Variants in FBN1 observed in about 807,000 individuals in gnomAD.
The protein encoded by FBN1 is fibrillin-1.
FBN1 carries 29 observed loss-of-function variants against 365.1 expected under a neutral mutation model. That is an observed-to-expected ratio of 0.08 (90% CI 0.06 to 0.11). FBN1 has a LOEUF of 0.11. Ranked by LOEUF, FBN1 falls within the 10% of genes least tolerant of loss-of-function variation. The probability of loss-of-function intolerance (pLI) is 1.00; values close to 1 mark genes in which losing one functional copy is unlikely to be tolerated. For missense variants in FBN1, 2,476 were observed against 3,703.2 expected, an observed-to-expected ratio of 0.67 and a Z score of 8.60; for synonymous variants, 1,210 against 1,270.5, an observed-to-expected ratio of 0.95 and a Z score of 1.01.
intron 8 of FBN1, 117 bp from the exon 9 acceptor site, chr15:48,526,372 T>C (rs1342248549): frequency 3.6e-6 from 4 of 1,108,798 alleles, no homozygotes; most frequent in Non-Finnish European, 5.3e-6. Flanking sequence ...CAGCCATCAT[T>C]AAAAAGTAAA....
intron 6 of FBN1, among the ~76,000 whole-genome samples, chr15:48,575,843 A>ACG (rs2140679682): frequency 6.9e-6 from 1 of 145,704 alleles, no homozygotes; most frequent in South Asian, 2.2e-4. Flanking sequence ...ACACACACAC[A>ACG]CCATGGAATA....
At chr15:48,621,298 T>C (rs1469862805) in intron 2 of FBN1, among the ~76,000 whole-genome samples, 1 of 152,180 alleles carries the variant, frequency 6.6e-6, no homozygotes, top group Non-Finnish European at 1.5e-5. Flanking sequence ...TGGAAAATCC[T>C]GACAAATCCT....
intron 6 of FBN1, among the ~76,000 whole-genome samples, chr15:48,540,864 A>C (rs1290529207): frequency 1.3e-5 from 2 of 152,190 alleles, no homozygotes; most frequent in Non-Finnish European, 2.9e-5. Context: ...CATGAATTTT[A>C]ATTTATAATC....
At chr15:48,473,110 C>T (rs1316197498) in intron 34 of FBN1, among the ~76,000 whole-genome samples, 2 of 152,182 alleles carry the variant, frequency 1.3e-5, no homozygotes. Context: ...TCTTAATAAT[C>T]ACAGGCATTT....
At chr15:48,557,906 T>C (rs1233976949) in intron 6 of FBN1, among the ~76,000 whole-genome samples, 1 of 152,184 alleles carries the variant, frequency 6.6e-6, no homozygotes, top group Non-Finnish European at 1.5e-5. Context: ...CACCAGGAGA[T>C]GAATTTGCCA....
chr15:48,519,812 G>A (rs2043835279), intron 10 of FBN1, among the ~76,000 whole-genome samples: 1 of 152,114 alleles, frequency 6.6e-6, no homozygotes, highest in Admixed American at 6.5e-5. Context: ...ATTAGATTTG[G>A]GACTCTAAAT....
chr15:48,435,810 G>A (rs184015382), intron 53 of FBN1, among the ~76,000 whole-genome samples: 2,560 of 134,054 alleles, frequency 0.019, 62 homozygotes, highest in African/African-American at 0.052. Flanking sequence ...GTGTGTGTGT[G>A]TATATATGCC....
At chr15:48,495,012 TA>T in intron 22 of FBN1, 110 bp downstream of exon 22, 4 of 1,308,602 alleles carry the variant, frequency 3.1e-6, no homozygotes, top group Non-Finnish European at 1.1e-6. Context: ...CCATCAGGAT[TA>T]AATCTTTGAA....
intron 9 of FBN1, among the ~76,000 whole-genome samples, chr15:48,523,863 T>C (rs2141340410): frequency 6.6e-6 from 1 of 152,348 alleles, no homozygotes; most frequent in African/African-American, 2.4e-5. Context: ...AAATCTGCCC[T>C]GGCCAAGACA....
rs764560018 is a variant in FBN1 at position 48,492,529 on chromosome 15, G to A, written c.2786C>T (p.Thr929Ile). The A allele has an allele frequency of 2.5e-6, 4 of 1,612,238 alleles. No individual in the cohort carries two copies. The highest frequency in any genetic ancestry group is 3.4e-6 in the Non-Finnish European group (4 of 1,178,820). The part of the protein sequence containing the change: ...GVCKNGLCVN[T>I]RGSFKCQCPS... The stretch of plus-strand genomic sequence containing the variant: ...ACACTGACACTTGAATGACCCCCTA[G>A]TGTTAACACACAGGCCATTTTTACA... The change falls in exon 24 of 66, where the codon ACT (threonine) becomes ATT (isoleucine). Residue 929 changes from threonine to isoleucine, a missense_variant. Coordinates refer to ENST00000316623, the MANE Select transcript of FBN1 (RefSeq NM_000138.5).
intron 55 of FBN1, among the ~76,000 whole-genome samples, chr15:48,431,894 A>G (rs908576052): frequency 6.6e-6 from 1 of 152,128 alleles, no homozygotes; most frequent in African/African-American, 2.4e-5. Flanking sequence ...ACCTCTGGTT[A>G]TCCACCCACC....
intron 2 of FBN1, among the ~76,000 whole-genome samples, chr15:48,616,969 C>T (rs991825839): frequency 3.3e-5 from 5 of 152,088 alleles, no homozygotes; most frequent in African/African-American, 1.2e-4. Flanking sequence ...ATAGCTTAGA[C>T]GTGTCTAATG....
chr15:48,505,651 T>C (rs1597575428), intron 15 of FBN1, among the ~76,000 whole-genome samples: 1 of 152,192 alleles, frequency 6.6e-6, no homozygotes, highest in East Asian at 1.9e-4. Context: ...AAAGCCTTGA[T>C]GGAACACCAC....
intron 53 of FBN1, among the ~76,000 whole-genome samples, chr15:48,435,592 G>C (rs2043059122): frequency 6.6e-6 from 1 of 151,868 alleles, no homozygotes; most frequent in African/African-American, 2.4e-5. Context: ...GGAAAGGCTA[G>C]AAAAAAATAT....
intron 6 of FBN1, among the ~76,000 whole-genome samples, chr15:48,546,244 T>C (rs1162701972): frequency 6.6e-6 from 1 of 152,136 alleles, no homozygotes; most frequent in Non-Finnish European, 1.5e-5. Flanking sequence ...AGTGAATAAA[T>C]AGATCAACAC....
intron 2 of FBN1, among the ~76,000 whole-genome samples, chr15:48,631,686 G>A (rs915737117): frequency 8.5e-5 from 13 of 152,228 alleles, no homozygotes; most frequent in Admixed American, 5.2e-4. Context: ...ATCTGGAAAA[G>A]AGGGCTTATC....
chr15:48,492,116 T>G (rs1338029477), intron 24 of FBN1, among the ~76,000 whole-genome samples: 6 of 152,234 alleles, frequency 3.9e-5, no homozygotes, highest in African/African-American at 1.2e-4. Flanking sequence ...CAGGGTATGC[T>G]TAGAAGACAT....
chr15:48,589,932 T>C (rs2044465774), intron 6 of FBN1, among the ~76,000 whole-genome samples: 1 of 152,182 alleles, frequency 6.6e-6, no homozygotes, highest in South Asian at 2.1e-4. Context: ...TTACTTTCCA[T>C]TGAAACTAAA....
chr15:48,434,747 T>C (rs1216168427), intron 53 of FBN1, 34 bp from the exon 54 acceptor site: 4 of 1,610,068 alleles, frequency 2.5e-6, no homozygotes, highest in Admixed American at 3.3e-5. Flanking sequence ...CAAAACATGA[T>C]GAATTGAGAT....
Sources: allele counts gnomAD v4.1 joint callset (sites outside exome capture counted in the v4.1 genomes callset), GRCh38; gene constraint gnomAD v4.1.1; transcripts MANE v1.5; gene names NCBI Gene and HGNC (gene_info 2026-07-23, HGNC 2026-07-21).